GABRG2: variants seen among roughly 807,000 people sequenced by gnomAD.
The protein encoded by GABRG2 is gamma-aminobutyric acid type A receptor subunit gamma2, also known as gamma-aminobutyric acid receptor subunit gamma-2.
GABRG2 carries 16 observed loss-of-function variants against 56.4 expected under a neutral mutation model. The ratio of observed to expected loss-of-function variants is 0.28; its 90% CI spans 0.19 to 0.43. The LOEUF is 0.43. GABRG2 is among the 20% of genes least tolerant of loss of function. GABRG2 has a pLI of 1.00. For missense variants in GABRG2, 327 were observed against 582.7 expected, an observed-to-expected ratio of 0.56 and a Z score of 4.52; for synonymous variants, 208 against 205.5, an observed-to-expected ratio of 1.01 and a Z score of -0.10.
chr5:162,106,225 A>G (rs1373719593), intron 6 of GABRG2, among the ~76,000 whole-genome samples: 1 of 152,164 alleles, frequency 6.6e-6, no homozygotes, highest in Non-Finnish European at 1.5e-5. Context: ...TCACAGCAAA[A>G]CAGTATTGAA....
intron 6 of GABRG2, among the ~76,000 whole-genome samples, chr5:162,140,752 C>G (rs1013373552): frequency 7.2e-5 from 11 of 152,284 alleles, no homozygotes; most frequent in Admixed American, 7.2e-4. Flanking sequence ...AACTGATATT[C>G]TCTAAGAATA....
At chr5:162,093,098 T>G (rs1760732890) in intron 1 of GABRG2, among the ~76,000 whole-genome samples, 1 of 152,160 alleles carries the variant, frequency 6.6e-6, no homozygotes, top group East Asian at 1.9e-4. Flanking sequence ...AAGAATATTA[T>G]GTGGCTTTTT....
intron 1 of GABRG2, among the ~76,000 whole-genome samples, chr5:162,068,638 C>T (rs1758422450): frequency 6.6e-6 from 1 of 152,116 alleles, no homozygotes; most frequent in Non-Finnish European, 1.5e-5. Flanking sequence ...CATCCAGTCC[C>T]ATTGACCCAA....
chr5:162,122,835 A>G (rs1763065650), intron 6 of GABRG2, among the ~76,000 whole-genome samples: 1 of 151,722 alleles, frequency 6.6e-6, no homozygotes, highest in African/African-American at 2.4e-5. Context: ...CATAATAGTC[A>G]AAGACTTTGT....
At chr5:162,116,110 ATGTG>A (rs34083256) in intron 6 of GABRG2, among the ~76,000 whole-genome samples, 15,286 of 127,072 alleles carry the variant, frequency 0.12, 1,095 homozygotes, top group East Asian at 0.34. Flanking sequence ...GTGTGCGTGC[ATGTG>A]TGTGTGTGTG....
At chr5:162,112,833 A>G (rs906286090) in intron 6 of GABRG2, among the ~76,000 whole-genome samples, 1 of 152,202 alleles carries the variant, frequency 6.6e-6, no homozygotes, top group African/African-American at 2.4e-5. Flanking sequence ...ATCTAATTTT[A>G]GTAGTACATC....
At chr5:162,142,929 A>C (rs548251593) in intron 7 of GABRG2, 1 of 152,014 alleles carries the variant, frequency 6.6e-6, no homozygotes, top group Admixed American at 6.5e-5. Flanking sequence ...TTTTACTTCT[A>C]TAGTTGGGTT....
chr5:162,096,420 T>G (rs1296581891), intron 3 of GABRG2, among the ~76,000 whole-genome samples: 1 of 152,186 alleles, frequency 6.6e-6, no homozygotes, highest in African/African-American at 2.4e-5. Context: ...GATCAAAGTT[T>G]GTGAAATAAT....
intron 4 of GABRG2, chr5:162,098,731 G>A (rs1457223569): frequency 1.3e-5 from 2 of 152,096 alleles, no homozygotes; most frequent in Admixed American, 1.3e-4. Context: ...AGCTTTGTTT[G>A]CATAGTAAGC....
At chr5:162,145,349 T>C (rs1287355187) in intron 7 of GABRG2, among the ~76,000 whole-genome samples, 1 of 152,170 alleles carries the variant, frequency 6.6e-6, no homozygotes, top group East Asian at 1.9e-4. Flanking sequence ...CCTAACTGCT[T>C]TGAGGTGAGG....
intron 6 of GABRG2, among the ~76,000 whole-genome samples, chr5:162,121,041 T>C (rs1339971023): frequency 6.6e-6 from 1 of 152,172 alleles, no homozygotes; most frequent in Non-Finnish European, 1.5e-5. Flanking sequence ...AATTCTTACT[T>C]ATTCATGCGA....
chr5:162,152,423 TG>T, intron 9 of GABRG2: 1 of 470,218 alleles, frequency 2.1e-6, no homozygotes, highest in South Asian at 1.6e-5. Flanking sequence ...ATTTACCAAC[TG>T]GTCTAGCAGG....
At chr5:162,108,823 T>A (rs946369673) in intron 6 of GABRG2, among the ~76,000 whole-genome samples, 1 of 152,104 alleles carries the variant, frequency 6.6e-6, no homozygotes, top group African/African-American at 2.4e-5. Flanking sequence ...TTCCATTAAC[T>A]CCTCCAAGAG....
chr5:162,075,808 G>T (rs1278033306), intron 1 of GABRG2, among the ~76,000 whole-genome samples: 2 of 151,986 alleles, frequency 1.3e-5, no homozygotes, highest in African/African-American at 2.4e-5. Context: ...TAGTATACTT[G>T]TTAATAGCAT....
intron 6 of GABRG2, among the ~76,000 whole-genome samples, chr5:162,113,506 G>A (rs903336830): frequency 9.9e-5 from 15 of 152,082 alleles, no homozygotes; most frequent in African/African-American, 3.6e-4. Context: ...CACTTCACTA[G>A]CAGCTTTATA....
intron 1 of GABRG2, among the ~76,000 whole-genome samples, chr5:162,070,552 G>T (rs778352314): frequency 1.3e-4 from 20 of 151,724 alleles, no homozygotes; most frequent in Non-Finnish European, 2.1e-4. Context: ...AAAAAAATTG[G>T]TTTTTTATTT....
intron 8 of GABRG2, 96 bp from the exon 9 acceptor site, chr5:162,151,634 T>C: frequency 9.1e-7 from 1 of 1,095,002 alleles, no homozygotes; most frequent in Non-Finnish European, 1.4e-6. Flanking sequence ...TCAAAATGTA[T>C]TTTTAATTTA....
At chr5:162,092,947 G>A (rs970804072) in intron 1 of GABRG2, among the ~76,000 whole-genome samples, 1 of 152,078 alleles carries the variant, frequency 6.6e-6, no homozygotes, top group African/African-American at 2.4e-5. Flanking sequence ...TCATCATCTT[G>A]GCGGGGTTGC....
chr5:162,122,797 C>T (rs1482237833), intron 6 of GABRG2, among the ~76,000 whole-genome samples: 2 of 151,192 alleles, frequency 1.3e-5, no homozygotes, highest in East Asian at 1.9e-4. Context: ...AAAGATAGAG[C>T]ATGAATTTTG....
Sources: allele counts gnomAD v4.1 joint callset (sites outside exome capture counted in the v4.1 genomes callset), GRCh38; gene constraint gnomAD v4.1.1; transcripts MANE v1.5; gene names NCBI Gene and HGNC (gene_info 2026-07-23, HGNC 2026-07-21).